The following WWOX variants were observed in gnomAD, a reference collection of about 807,000 sequenced individuals.
The protein encoded by WWOX is WW domain-containing oxidoreductase.
WWOX carries 69 observed loss-of-function variants against 46.2 expected under a neutral mutation model. The ratio of observed to expected loss-of-function variants is 1.49; its 90% CI spans 1.23 to 1.82. WWOX has a LOEUF of 1.82. WWOX is among the 40% of genes most tolerant of loss of function. WWOX has a pLI of 0.00. For synonymous variants in WWOX, 359 were observed against 202.6 expected, an observed-to-expected ratio of 1.77 and a Z score of -6.56; for missense variants, 919 against 542.6, an observed-to-expected ratio of 1.69 and a Z score of -6.89.
At chr16:78,903,428 G>C (rs2044878966) in intron 8 of WWOX, among the ~76,000 whole-genome samples, 1 of 152,214 alleles carries the variant, frequency 6.6e-6, no homozygotes, top group South Asian at 2.1e-4. Flanking sequence ...CAACCCATCA[G>C]AGGCTGAAGT....
chr16:79,036,169 G>T (rs1180455549), intron 8 of WWOX, among the ~76,000 whole-genome samples: 1 of 151,900 alleles, frequency 6.6e-6, no homozygotes, highest in African/African-American at 2.4e-5. Context: ...GATTTCCTTG[G>T]GTCAGGTTTC....
chr16:79,199,432 C>T (rs924021159), intron 8 of WWOX, among the ~76,000 whole-genome samples: 1 of 152,116 alleles, frequency 6.6e-6, no homozygotes, highest in African/African-American at 2.4e-5. Context: ...GTAAGGTGGA[C>T]CCTCACAGAA....
chr16:78,493,476 ATTTTCT>A (rs962187741), intron 8 of WWOX, among the ~76,000 whole-genome samples: 1 of 152,138 alleles, frequency 6.6e-6, no homozygotes. Flanking sequence ...TTTATTTATG[ATTTTCT>A]TTAACAGCAC....
intron 8 of WWOX, among the ~76,000 whole-genome samples, chr16:78,837,166 T>A (rs144137426): frequency 3.3e-5 from 5 of 152,182 alleles, no homozygotes; most frequent in Non-Finnish European, 5.9e-5. Flanking sequence ...AAAAAATGTT[T>A]AGCTGCATGT....
chr16:78,812,404 A>G (rs2051212937), intron 8 of WWOX, among the ~76,000 whole-genome samples: 1 of 152,032 alleles, frequency 6.6e-6, no homozygotes, highest in African/African-American at 2.4e-5. Flanking sequence ...TCTTGAAAAT[A>G]TTTGTTAAAA....
intron 8 of WWOX, among the ~76,000 whole-genome samples, chr16:78,697,974 G>A (rs1316073981): frequency 6.6e-6 from 1 of 152,094 alleles, no homozygotes; most frequent in East Asian, 1.9e-4. Flanking sequence ...CAAAACTCCT[G>A]TTAACAACTG....
intron 5 of WWOX, among the ~76,000 whole-genome samples, chr16:78,228,017 C>T (rs2037124523): frequency 6.6e-6 from 1 of 152,058 alleles, no homozygotes. Flanking sequence ...GTCTATGGAC[C>T]CTCTCTCTGG....
At chr16:78,808,566 C>G (rs1030994086) in intron 8 of WWOX, among the ~76,000 whole-genome samples, 5 of 152,124 alleles carry the variant, frequency 3.3e-5, no homozygotes, top group Admixed American at 3.3e-4. Flanking sequence ...CTGGAAAAGT[C>G]AGTAGCCAAC....
intron 3 of WWOX, among the ~76,000 whole-genome samples, chr16:78,112,675 G>GT (rs199790066): frequency 0.21 from 26,631 of 128,922 alleles, 2,793 homozygotes; most frequent in South Asian, 0.32. Context: ...TGTTGAAAAT[G>GT]TTTTTTTTTT....
chr16:79,097,871 A>T (rs1197298249), intron 8 of WWOX, among the ~76,000 whole-genome samples: 3 of 152,190 alleles, frequency 2.0e-5, no homozygotes, highest in African/African-American at 7.2e-5. Context: ...CTTGCCTCAC[A>T]TCTGAACTTC....
intron 8 of WWOX, among the ~76,000 whole-genome samples, chr16:78,767,092 C>A (rs986460467): frequency 1.6e-5 from 2 of 129,000 alleles, no homozygotes; most frequent in African/African-American, 2.8e-5. Flanking sequence ...TTCTCTCTCT[C>A]CTTTCCTCCC....
chr16:78,910,506 G>T (rs893854784), intron 8 of WWOX, among the ~76,000 whole-genome samples: 36 of 147,770 alleles, frequency 2.4e-4, no homozygotes, highest in Non-Finnish European at 4.8e-4. Flanking sequence ...AGGATCTTTT[G>T]TTTTTTTTTT....
At chr16:78,859,367 G>A (rs1360871216) in intron 8 of WWOX, among the ~76,000 whole-genome samples, 1 of 151,884 alleles carries the variant, frequency 6.6e-6, no homozygotes, top group East Asian at 1.9e-4. Context: ...GAAGAGCTCT[G>A]CCTTCCAGAA....
intron 5 of WWOX, among the ~76,000 whole-genome samples, chr16:78,248,877 T>TC: frequency 6.7e-6 from 1 of 149,164 alleles, no homozygotes; most frequent in African/African-American, 2.5e-5. Flanking sequence ...TTTTTTTTTT[T>TC]TTTTTTTTGA....
chr16:78,718,615 G>T lies in WWOX; in HGVS notation c.1056+285863G>T, dbSNP rs1420043931. Among the ~76,000 whole-genome samples the T allele has an allele frequency of 3.3e-5, 5 of 152,096 alleles. No individual in the cohort carries two copies. The East Asian group carries it at 9.7e-4, about 29-fold the overall frequency. On this transcript the variant is annotated intron_variant, in intron 8 of 8. Coordinates refer to ENST00000566780, the MANE Select transcript of WWOX (RefSeq NM_016373.4). The stretch of plus-strand genomic sequence containing the variant: ...CTAGGTACTCTGGAGGGTGACGGTG[G>T]GAGGATCCCTTGAGCCCAGGATTTT...
At chr16:79,172,951 G>A (rs1029536483) in intron 8 of WWOX, among the ~76,000 whole-genome samples, 10 of 152,116 alleles carry the variant, frequency 6.6e-5, no homozygotes, top group South Asian at 2.1e-4. Context: ...AGCCTGGGAC[G>A]TCAAGGCTGC....
chr16:78,711,958 C>G (rs909801986), intron 8 of WWOX, among the ~76,000 whole-genome samples: 1 of 152,168 alleles, frequency 6.6e-6, no homozygotes, highest in Non-Finnish European at 1.5e-5. Context: ...TCAGGAGCTT[C>G]CCTCTTGGAC....
chr16:78,495,283 G>A (rs1386721165), intron 8 of WWOX, among the ~76,000 whole-genome samples: 1 of 151,664 alleles, frequency 6.6e-6, no homozygotes, highest in Admixed American at 6.6e-5. Context: ...TGGGATTACA[G>A]GCGCCCGCCA....
chr16:79,000,182 G>A (rs779928434), intron 8 of WWOX, among the ~76,000 whole-genome samples: 4 of 152,090 alleles, frequency 2.6e-5, no homozygotes, highest in Non-Finnish European at 2.9e-5. Context: ...ACTGGGCTCC[G>A]AAGCTGCGTT....
Sources: allele counts gnomAD v4.1 joint callset (sites outside exome capture counted in the v4.1 genomes callset), GRCh38; gene constraint gnomAD v4.1.1; transcripts MANE v1.5; gene names NCBI Gene and HGNC (gene_info 2026-07-23, HGNC 2026-07-21).